MAZ: variants seen among roughly 807,000 people sequenced by gnomAD.
MAZ encodes MYC associated zinc finger protein.
A neutral mutation model predicts 32.7 loss-of-function variants in MAZ; 4 were observed. The observed-to-expected ratio is 0.12, with a 90% CI of 0.06 to 0.28. The LOEUF is 0.28. Ranked by LOEUF, MAZ falls within the 10% of genes least tolerant of loss-of-function variation. MAZ has a pLI of 1.00. For synonymous variants in MAZ, 510 were observed against 297.6 expected (o/e 1.71, Z -7.35); for missense variants, 763 against 667.2 (o/e 1.14, Z -1.58).
upstream of MAZ, chr16:29,806,267 C>T (rs867963395): frequency 4.4e-6 from 1 of 226,244 alleles, no homozygotes; most frequent in South Asian, 6.8e-5. Flanking sequence ...CCTCCGCGCG[C>T]CCGGTGCGCG....
Position 29,810,258 on chromosome 16 carries a change from G to A in MAZ, c.*27G>A. On this transcript the variant is annotated 3_prime_UTR_variant, in exon 5 of 5. Transcript: ENST00000322945. ...CTCCAAGTTGGTTGCGGGGGAGAGG[G>A]GAGAATGGAGTAGAGTCCCTTGGTA... The A allele has an allele frequency of 1.9e-6, 3 of 1,559,120 alleles. No homozygotes were observed. The highest frequency in any genetic ancestry group is 2.6e-6 in the Non-Finnish European group (3 of 1,150,692).
chr16:29,807,971 C>T (rs527457711), intron 2 of MAZ, 143 bp downstream of exon 2: 16 of 1,419,744 alleles, frequency 1.1e-5, no homozygotes, highest in South Asian at 5.5e-5. Flanking sequence ...GAGGAAGCCT[C>T]TCCCGGTTAC....
chr16:29,808,398 C>G lies in MAZ; in HGVS notation c.1107+105C>G, dbSNP rs188783582. ...CCCTTTTTCTCTCTCTTCTTTTTGC[C>G]TTTTTGCTCCATTTTCTCATCCCTT... On this transcript the variant is annotated intron_variant, in intron 3 of 4. Coordinates refer to ENST00000322945, the MANE Select transcript of MAZ (RefSeq NM_002383.4). 1.5e-5 allele frequency: 18 copies of G among 1,221,280 alleles called. No individual in the cohort carries two copies. In the Admixed American group the frequency reaches 1.5e-4, roughly 10 times the overall value. 75.7% of individuals were successfully genotyped at this position (1,221,280 alleles called of 1,614,324 possible). A position where few individuals can be genotyped will look rare whatever the true frequency, so the allele number is the denominator to read the frequency against.
At position 29,807,947 on chromosome 16, in the gene MAZ, T is replaced by G. The variant is rs1462395550; in HGVS notation, c.1043+119T>G. The stretch of plus-strand genomic sequence containing the variant: ...GCTGAGGCTGGGGAAGGGGAGCCAC[T>G]CCCAGGGCGGAGGGAGGAAGCCTCT... On this transcript the variant is annotated intron_variant, in intron 2 of 4. Coordinates refer to ENST00000322945, the MANE Select transcript of MAZ (RefSeq NM_002383.4). The G allele has an allele frequency of 6.1e-6, 9 of 1,481,758 alleles. No individual in the cohort carries two copies. The African/African-American group carries it at 7.0e-5, about 11-fold the overall frequency. The allele number at this position is 1,481,758 out of a possible 1,614,324, so 91.8% of individuals were successfully genotyped here. A position where few individuals can be genotyped will look rare whatever the true frequency, so the allele number is the denominator to read the frequency against.
At chr16:29,808,041 G>A in intron 2 of MAZ, 189 bp from the exon 3 acceptor site, 1 of 1,077,502 alleles carries the variant, frequency 9.3e-7, no homozygotes, top group Non-Finnish European at 1.3e-6. Context: ...CGGAAGCTTC[G>A]CGTGGGAGGA....
rs758748955 is a variant in MAZ, at chr16:29,806,674, C to T, written c.-28C>T. 6 of 1,083,638 alleles carry T rather than the reference C, an allele frequency of 5.5e-6. No homozygotes were observed. In the East Asian group the frequency reaches 1.8e-4, roughly 32 times the overall value. The allele number at this position is 1,083,638 out of a possible 1,614,324, so 67.1% of individuals were successfully genotyped here. On this transcript the variant is annotated 5_prime_UTR_variant, in exon 1 of 5. Coordinates refer to ENST00000322945, the MANE Select transcript of MAZ (RefSeq NM_002383.4). ...GCCCGCGCCCCCGGCCCCCGCTGAG[C>T]CCCGGGGGCCCCGCTGCGGCCGAGG...
chr16:29,808,476 G>A (rs927384160), intron 3 of MAZ, 94 bp from the exon 4 acceptor site: 6 of 1,029,064 alleles, frequency 5.8e-6, no homozygotes, highest in Admixed American at 4.2e-5. Context: ...AGATCCCCAA[G>A]GCTCTGATTC....
chr16:29,808,440 T>C, intron 3 of MAZ, 130 bp from the exon 4 acceptor site: 2 of 987,010 alleles, frequency 2.0e-6, no homozygotes, highest in Non-Finnish European at 3.1e-6. Context: ...GGCCTCATCA[T>C]GTCACTCCCA....
In MAZ at chr16:29,806,571, GGCGGCCCGCGGGCCATGCGTTCGGC is replaced by G. The variant is rs1416862125; in HGVS notation, c.-123_-99del. 5 of 950,086 alleles carry G rather than the reference GGCGGCCCGCGGGCCATGCGTTCGGC, an allele frequency of 5.3e-6. No homozygotes were observed. Among genetic ancestry groups the G allele is most frequent in the East Asian group, 2.5e-4 (2 of 7,984 alleles). 58.9% of individuals were successfully genotyped at this position (950,086 alleles called of 1,614,324 possible). A position where few individuals can be genotyped will look rare whatever the true frequency, so the allele number is the denominator to read the frequency against. On this transcript the variant is annotated 5_prime_UTR_variant, in exon 1 of 5. It removes an upstream start codon present in the reference 5' UTR. Coordinates refer to ENST00000322945, the MANE Select transcript of MAZ (RefSeq NM_002383.4). Reference sequence around the variant, plus strand: ...GCCGGCCGGGGTGCGCGGGCGGCGGGGCGGCCCGCGGGCCATGCGTTCGGCGCGGCCCAGCCCGGCCGGCCGGGGG... The same window carrying G: ...GCCGGCCGGGGTGCGCGGGCGGCGGGGCGGCCCAGCCCGGCCGGCCGGGGG...
At chr16:29,808,144 G>A in intron 2 of MAZ, 86 bp from the exon 3 acceptor site, 1 of 1,237,896 alleles carries the variant, frequency 8.1e-7, no homozygotes, top group Non-Finnish European at 1.2e-6. Flanking sequence ...AGGAGGCGCA[G>A]GGATCCTCGG....
chr16:29,806,845 C>G lies in MAZ; in HGVS notation c.144C>G (p.Leu48=). 2.1e-6 allele frequency: 3 copies of G among 1,456,846 alleles called. No homozygotes were observed. Among genetic ancestry groups the G allele is most frequent in the Non-Finnish European group, 2.7e-6 (3 of 1,098,144 alleles). The allele number at this position is 1,456,846 out of a possible 1,614,324, so 90.2% of individuals were successfully genotyped here. The change falls in exon 1 of 5, where the codon CTC becomes CTG. Residue 48 remains leucine (L), a synonymous_variant. Transcript: ENST00000322945. Reference sequence around the variant, plus strand: ...ACCCCCTGCAGGTCGGGGCTGAGCTCCAGTCCCGCTTCTTTGCCTCCCAGG... The same window carrying G: ...ACCCCCTGCAGGTCGGGGCTGAGCTGCAGTCCCGCTTCTTTGCCTCCCAGG... ...AQNPLQVGAE[L]QSRFFASQGC...
At chr16:29,809,322 C>T (rs918928418) in intron 4 of MAZ, 5 of 578,822 alleles carry the variant, frequency 8.6e-6, no homozygotes, top group African/African-American at 3.8e-5. Context: ...CTGTAGGTAC[C>T]AAGGCTGAGA....
chr16:29,809,538 A>G, intron 4 of MAZ: 1 of 1,603,010 alleles, frequency 6.2e-7, no homozygotes, highest in Non-Finnish European at 8.5e-7. Flanking sequence ...ACCCCCCAAT[A>G]GGCTTCACCA....
chr16:29,809,528 A>AC (rs761329003), intron 4 of MAZ: 7 of 1,435,190 alleles, frequency 4.9e-6, no homozygotes, highest in South Asian at 1.2e-5. Context: ...ATCCCAATCC[A>AC]CCCCCCAATA....
At position 29,806,797 on chromosome 16, in the gene MAZ, G is replaced by T; in HGVS notation, c.96G>T (p.Pro32=). Residue 32 remains proline, a synonymous_variant, in exon 1 of 5, where the codon CCG becomes CCT. Transcript: ENST00000322945. ...TGGGCGGCCTCATGAACTCCTTCCC[G>T]CCACCTCAGGGTCACGCCCAGAACC... ...RGVGGLMNSF[P]PPQGHAQNPL... 1.4e-6 allele frequency: 2 copies of T among 1,429,252 alleles called. No individual in the cohort carries two copies. Among genetic ancestry groups the T allele is most frequent in the Non-Finnish European group, 1.8e-6 (2 of 1,083,698 alleles). The allele number at this position is 1,429,252 out of a possible 1,614,324, so 88.5% of individuals were successfully genotyped here. A position where few individuals can be genotyped will look rare whatever the true frequency, so the allele number is the denominator to read the frequency against.
At chr16:29,808,368 A>G in intron 3 of MAZ, 75 bp downstream of exon 3, 1 of 1,443,024 alleles carries the variant, frequency 6.9e-7, no homozygotes, top group Non-Finnish European at 9.8e-7. Flanking sequence ...TCAGTCTCTC[A>G]GACCCCCTTT....
At position 29,810,635 on chromosome 16, in the gene MAZ, T is replaced by G. The variant is rs1441330794; in HGVS notation, c.*404T>G. 3.6e-5 allele frequency: 21 copies of G among 576,678 alleles called. No homozygotes were observed. Among genetic ancestry groups the G allele is most frequent in the East Asian group, 9.7e-5 (3 of 30,996 alleles). 35.7% of individuals were successfully genotyped at this position (576,678 alleles called of 1,614,324 possible). On this transcript the variant is annotated 3_prime_UTR_variant, in exon 5 of 5. Coordinates refer to ENST00000322945, the MANE Select transcript of MAZ (RefSeq NM_002383.4). Reference sequence around the variant, plus strand: ...CTCTCCCCCTGCTGTCTGCAGCCCCTCCCCGGGGAGTTGGTGCTTTCTTTT... The same window carrying G: ...CTCTCCCCCTGCTGTCTGCAGCCCCGCCCCGGGGAGTTGGTGCTTTCTTTT...
chr16:29,806,824 C>G lies in MAZ; in HGVS notation c.123C>G (p.Pro41=). The G allele has an allele frequency of 6.9e-7, 1 of 1,448,616 alleles. No homozygotes were observed. The highest frequency in any genetic ancestry group is 9.1e-7 in the Non-Finnish European group (1 of 1,093,838). 89.7% of individuals were successfully genotyped at this position (1,448,616 alleles called of 1,614,324 possible). A position where few individuals can be genotyped will look rare whatever the true frequency, so the allele number is the denominator to read the frequency against. ...CACCTCAGGGTCACGCCCAGAACCC[C>G]CTGCAGGTCGGGGCTGAGCTCCAGT... ...FPPPQGHAQN[P]LQVGAELQSR... is the part of the protein sequence containing the mutation. The change falls in exon 1 of 5, where the codon CCC becomes CCG. Residue 41 remains proline (P), a synonymous_variant. Transcript: ENST00000322945.
In MAZ at chr16:29,810,783, C is replaced by T; in HGVS notation, c.*552C>T. On this transcript the variant is annotated 3_prime_UTR_variant, in exon 5 of 5. Transcript: ENST00000322945. The stretch of plus-strand genomic sequence containing the variant: ...GCAGGGCCGGCAAAGGTTGTACCTT[C>T]ATAAGGTGGTATGGGGGGTTGGGGT... The T allele has an allele frequency of 2.8e-6, 1 of 359,018 alleles. No individual in the cohort carries two copies. Among genetic ancestry groups the T allele is most frequent in the Non-Finnish European group, 5.3e-6 (1 of 187,076 alleles). 22.2% of individuals were successfully genotyped at this position (359,018 alleles called of 1,614,324 possible). A position where few individuals can be genotyped will look rare whatever the true frequency, so the allele number is the denominator to read the frequency against.
Sources: allele counts gnomAD v4.1 joint callset, GRCh38; gene constraint gnomAD v4.1.1; transcripts MANE v1.5; gene names NCBI Gene and HGNC (gene_info 2026-07-23, HGNC 2026-07-21).